Variants in PABPC4L observed in about 807,000 individuals in gnomAD.
The protein encoded by PABPC4L is poly(A) binding protein cytoplasmic 4 like.
For missense variants in PABPC4L, 452 were observed against 451.4 expected, an observed-to-expected ratio of 1.00 and a Z score of -0.01; for synonymous variants, 169 against 164.1, an observed-to-expected ratio of 1.03 and a Z score of -0.23.
chr4:133,998,183 A>T, the PABPC4L span, among the ~76,000 whole-genome samples: 1 of 151,538 alleles, frequency 6.6e-6, no homozygotes. Flanking sequence ...TATATTCTCT[A>T]TTTTCATTAA....
the PABPC4L span, among the ~76,000 whole-genome samples, chr4:133,992,269 G>T: frequency 6.6e-6 from 1 of 152,196 alleles, no homozygotes; most frequent in African/African-American, 2.4e-5. Flanking sequence ...CTCCCCTGTG[G>T]TAGACCTCTC....
the PABPC4L span, among the ~76,000 whole-genome samples, chr4:134,191,307 A>T: frequency 6.6e-6 from 1 of 152,144 alleles, no homozygotes; most frequent in African/African-American, 2.4e-5. Flanking sequence ...TAAAAAGGAA[A>T]TACATGACTG....
At chr4:133,968,541 C>A in the PABPC4L span, among the ~76,000 whole-genome samples, 3 of 152,066 alleles carry the variant, frequency 2.0e-5, no homozygotes, top group East Asian at 3.9e-4. Context: ...GAACTTGGAA[C>A]TGGAGAAAGA....
chr4:134,015,613 A>T, the PABPC4L span, among the ~76,000 whole-genome samples: 84 of 152,080 alleles, frequency 5.5e-4, 3 homozygotes, highest in Non-Finnish European at 1.1e-3. Flanking sequence ...TAATTCTCAT[A>T]AAAACACATG....
the PABPC4L span, among the ~76,000 whole-genome samples, chr4:134,133,910 T>C: frequency 6.6e-6 from 1 of 152,082 alleles, no homozygotes; most frequent in African/African-American, 2.4e-5. Flanking sequence ...TTGTGCTTTT[T>C]ATTAAGGTTG....
At chr4:134,149,109 G>T in the PABPC4L span, among the ~76,000 whole-genome samples, 1 of 152,010 alleles carries the variant, frequency 6.6e-6, no homozygotes, top group African/African-American at 2.4e-5. Context: ...ATTGATTACT[G>T]CTTGTTCCAA....
the PABPC4L span, among the ~76,000 whole-genome samples, chr4:134,136,502 C>T: frequency 6.6e-6 from 1 of 151,842 alleles, no homozygotes. Context: ...TTTCTTTCTC[C>T]AATCTCAATT....
chr4:133,999,973 C>A, the PABPC4L span, among the ~76,000 whole-genome samples: 16 of 151,654 alleles, frequency 1.1e-4, no homozygotes, highest in Non-Finnish European at 1.5e-5. Context: ...AGTTTAAGTG[C>A]AAAATAAAAA....
At chr4:134,078,245 G>A in the PABPC4L span, among the ~76,000 whole-genome samples, 32 of 152,000 alleles carry the variant, frequency 2.1e-4, 1 homozygote, top group Non-Finnish European at 4.7e-4. Context: ...CCTAATCAAG[G>A]CATAACATAT....
the PABPC4L span, among the ~76,000 whole-genome samples, chr4:133,953,479 A>T: frequency 1.3e-5 from 2 of 152,184 alleles, no homozygotes; most frequent in Non-Finnish European, 2.9e-5. Flanking sequence ...TACAAAATTA[A>T]CATTTAAAAG....
At chr4:134,064,932 T>C in the PABPC4L span, among the ~76,000 whole-genome samples, 11 of 151,822 alleles carry the variant, frequency 7.2e-5, no homozygotes, top group Admixed American at 2.6e-4. Context: ...TATGATTTTG[T>C]TTTTTTTGGC....
At chr4:134,175,854 C>T in the PABPC4L span, among the ~76,000 whole-genome samples, 1 of 152,052 alleles carries the variant, frequency 6.6e-6, no homozygotes, top group Non-Finnish European at 1.5e-5. Context: ...ATTGAAAATA[C>T]CTGCAAGAGC....
At chr4:133,950,997 G>A in the PABPC4L span, among the ~76,000 whole-genome samples, 2 of 152,194 alleles carry the variant, frequency 1.3e-5, no homozygotes, top group Admixed American at 1.3e-4. Context: ...CCTTGTAGGA[G>A]CTTTAGGGAC....
chr4:133,987,734 T>C, the PABPC4L span, among the ~76,000 whole-genome samples: 3 of 152,158 alleles, frequency 2.0e-5, no homozygotes, highest in South Asian at 4.1e-4. Flanking sequence ...GAACTTCAAA[T>C]TGTAAAGTGT....
At chr4:134,184,095 A>C in the PABPC4L span, among the ~76,000 whole-genome samples, 1 of 151,936 alleles carries the variant, frequency 6.6e-6, no homozygotes, top group Non-Finnish European at 1.5e-5. Context: ...ACATCTTATC[A>C]AGTAATAAAG....
At chr4:134,165,205 CT>C in the PABPC4L span, among the ~76,000 whole-genome samples, 1 of 152,114 alleles carries the variant, frequency 6.6e-6, no homozygotes, top group African/African-American at 2.4e-5. Flanking sequence ...AGGATAAACT[CT>C]TTTGGACATT....
chr4:134,098,733 T>C, the PABPC4L span, among the ~76,000 whole-genome samples: 1 of 151,578 alleles, frequency 6.6e-6, no homozygotes, highest in Admixed American at 6.6e-5. Context: ...TACCCAATGA[T>C]TTAGATGATG....
chr4:134,164,262 CAAAAAAAAAAAAAA>C, the PABPC4L span, among the ~76,000 whole-genome samples: 18 of 34,178 alleles, frequency 5.3e-4, no homozygotes, highest in South Asian at 1.7e-3. Context: ...GACTCCGTCT[CAAAAAAAAAAAAAA>C]AAAAAAAAAA....
chr4:134,089,599 G>T, the PABPC4L span, among the ~76,000 whole-genome samples: 2 of 151,980 alleles, frequency 1.3e-5, no homozygotes, highest in African/African-American at 4.8e-5. Flanking sequence ...TTTATCACAG[G>T]TTTGTATGTA....
Sources: allele counts gnomAD v4.1 joint callset (sites outside exome capture counted in the v4.1 genomes callset), GRCh38; gene constraint gnomAD v4.1.1; transcripts MANE v1.5; gene names NCBI Gene and HGNC (gene_info 2026-07-23, HGNC 2026-07-21).